Variants in CCDC178 observed in about 807,000 individuals in gnomAD.
The protein encoded by CCDC178 is coiled-coil domain containing 178.
CCDC178 carries 126 observed loss-of-function variants against 117.4 expected under a neutral mutation model. The ratio of observed to expected loss-of-function variants is 1.07; its 90% CI spans 0.93 to 1.24. CCDC178 has a LOEUF of 1.24. Ranked by LOEUF, CCDC178 falls within the 50% of genes most tolerant of loss-of-function variation. CCDC178 has a pLI of 0.00. For synonymous variants in CCDC178, 283 were observed against 313.4 expected, an observed-to-expected ratio of 0.90 and a Z score of 1.02; for missense variants, 1,030 against 986.9, an observed-to-expected ratio of 1.04 and a Z score of -0.59.
chr18:33,337,334 C>T (rs183406439), intron 9 of CCDC178, among the ~76,000 whole-genome samples: 17 of 152,094 alleles, frequency 1.1e-4, no homozygotes, highest in Admixed American at 7.2e-4. Flanking sequence ...TCTATGTATA[C>T]GCTCATGTCA....
chr18:33,030,884 A>G (rs1188858025), intron 21 of CCDC178, among the ~76,000 whole-genome samples: 2 of 152,122 alleles, frequency 1.3e-5, no homozygotes, highest in Admixed American at 1.3e-4. Context: ...ACTGACCACA[A>G]GCTAGGGACT....
intron 20 of CCDC178, among the ~76,000 whole-genome samples, chr18:33,203,042 G>A (rs1258328542): frequency 6.6e-6 from 1 of 152,132 alleles, no homozygotes; most frequent in African/African-American, 2.4e-5. Context: ...GGAAGGAATG[G>A]ACAAATTCAC....
At chr18:33,222,778 T>A (rs1317243816) in intron 18 of CCDC178, among the ~76,000 whole-genome samples, 1 of 152,112 alleles carries the variant, frequency 6.6e-6, no homozygotes, top group Non-Finnish European at 1.5e-5. Context: ...TTTTTTGGTT[T>A]TTAATCTCCA....
intron 22 of CCDC178, among the ~76,000 whole-genome samples, chr18:32,963,696 C>A (rs1304703905): frequency 6.6e-6 from 1 of 152,000 alleles, no homozygotes; most frequent in Admixed American, 6.6e-5. Context: ...CAGAGAACGG[C>A]CTTCCATTCT....
At chr18:33,017,802 A>G (rs568171504) in intron 21 of CCDC178, among the ~76,000 whole-genome samples, 1 of 152,120 alleles carries the variant, frequency 6.6e-6, no homozygotes, top group African/African-American at 2.4e-5. Context: ...ACTCAAATGG[A>G]TCATAGACAT....
At chr18:33,426,003 A>G (rs2144950675) in intron 2 of CCDC178, among the ~76,000 whole-genome samples, 1 of 152,350 alleles carries the variant, frequency 6.6e-6, no homozygotes, top group South Asian at 2.1e-4. Flanking sequence ...ACAGAAAACA[A>G]AGCTATATTA....
chr18:33,197,498 G>A (rs1195285942), intron 20 of CCDC178, among the ~76,000 whole-genome samples: 1 of 152,044 alleles, frequency 6.6e-6, no homozygotes, highest in East Asian at 1.9e-4. Flanking sequence ...AATTCCAGGT[G>A]TGAAACTTAA....
At chr18:33,340,524 C>A (rs2062803279) in intron 9 of CCDC178, among the ~76,000 whole-genome samples, 1 of 152,168 alleles carries the variant, frequency 6.6e-6, no homozygotes, top group African/African-American at 2.4e-5. Context: ...TGTCAGACAC[C>A]TTCATGGCAG....
intron 2 of CCDC178, among the ~76,000 whole-genome samples, chr18:33,429,906 T>C (rs2064183948): frequency 1.3e-5 from 2 of 152,206 alleles, no homozygotes; most frequent in Non-Finnish European, 2.9e-5. Context: ...CCAGCCGTTC[T>C]GTGTCAAAGG....
intron 20 of CCDC178, among the ~76,000 whole-genome samples, chr18:33,179,078 A>AATATATATATATATATAT (rs1555656270): frequency 1.8e-5 from 1 of 55,852 alleles, no homozygotes; most frequent in Non-Finnish European, 2.9e-5. Flanking sequence ...AAAAAAAAAA[A>AATATATATATATATATAT]ATATATATAT....
At chr18:33,018,600 T>G (rs1384177476) in intron 21 of CCDC178, among the ~76,000 whole-genome samples, 11 of 152,086 alleles carry the variant, frequency 7.2e-5, no homozygotes, top group Non-Finnish European at 1.6e-4. Context: ...CTTTAAAGCA[T>G]TATGCCTTAA....
intron 7 of CCDC178, among the ~76,000 whole-genome samples, chr18:33,350,063 T>C (rs1217230407): frequency 6.6e-6 from 1 of 152,022 alleles, no homozygotes; most frequent in Admixed American, 6.6e-5. Context: ...TTTCAGAATA[T>C]TTTTGTTGAA....
chr18:33,054,514 A>T (rs954517379), intron 21 of CCDC178, among the ~76,000 whole-genome samples: 2 of 152,198 alleles, frequency 1.3e-5, no homozygotes, highest in Non-Finnish European at 2.9e-5. Context: ...AACTGAGAAC[A>T]TGCAGTGTTT....
At chr18:33,243,427 T>C (rs2059511639) in intron 15 of CCDC178, among the ~76,000 whole-genome samples, 2 of 151,914 alleles carry the variant, frequency 1.3e-5, no homozygotes, top group Admixed American at 1.3e-4. Context: ...AAATGATAAA[T>C]GTTTGAGATG....
intron 8 of CCDC178, among the ~76,000 whole-genome samples, chr18:33,347,862 T>C (rs2062918209): frequency 6.6e-6 from 1 of 152,044 alleles, no homozygotes; most frequent in African/African-American, 2.4e-5. Context: ...CATCTCATTT[T>C]TTTTTCTTGA....
At chr18:33,314,236 A>AATTGTGC (rs1568138278) in intron 11 of CCDC178, among the ~76,000 whole-genome samples, 1 of 147,176 alleles carries the variant, frequency 6.8e-6, no homozygotes, top group African/African-American at 2.5e-5. Flanking sequence ...AAAAAAAAGA[A>AATTGTGC]ATTGTGCCTA....
At chr18:33,025,515 C>G (rs1188854759) in intron 21 of CCDC178, among the ~76,000 whole-genome samples, 1 of 151,890 alleles carries the variant, frequency 6.6e-6, no homozygotes, top group African/African-American at 2.4e-5. Context: ...AAAGACTAGG[C>G]TTTATTTAAA....
At chr18:33,306,561 G>C (rs1475451909) in intron 11 of CCDC178, among the ~76,000 whole-genome samples, 4 of 83,212 alleles carry the variant, frequency 4.8e-5, no homozygotes, top group Non-Finnish European at 1.1e-4. Flanking sequence ...ATATATATAT[G>C]GTTATATATA....
At position 33,127,015 on chromosome 18, in the gene CCDC178, T is replaced by TATAC. The variant is rs1197743304; in HGVS notation, c.2239-34106_2239-34105insGTAT. Among the ~76,000 whole-genome samples, 247 of 142,390 alleles carry TATAC rather than the reference T, an allele frequency of 1.7e-3. 2 individuals carry two copies. The highest frequency in any genetic ancestry group is 5.2e-3 in the African/African-American group (194 of 37,626). 93.4% of individuals were successfully genotyped at this position (142,390 alleles called of 152,430 possible). On this transcript the variant is annotated intron_variant, in intron 20 of 22. Transcript: ENST00000383096. ...AAAAAAAAATATATATATATATATA[T>TATAC]ACACACACACACACACACACACACA... is the stretch of plus-strand genomic sequence containing the variant.
Sources: gnomAD v4.1 joint callset for allele counts (sites outside exome capture counted in the v4.1 genomes callset) on GRCh38, gnomAD v4.1.1 for gene constraint, MANE v1.5 for transcripts, NCBI Gene and HGNC (gene_info 2026-07-23, HGNC 2026-07-21) for gene names.